The following ARHGAP24 variants were observed in gnomAD, a reference collection of about 807,000 sequenced individuals.
ARHGAP24 encodes the protein Rho GTPase activating protein 24.
In ARHGAP24, 50 loss-of-function variants were observed where a neutral mutation model predicts 76.4. That is an observed-to-expected ratio of 0.65 (90% CI 0.52 to 0.83). The LOEUF (loss-of-function observed/expected upper bound fraction) is 0.83, where lower values mean the gene tolerates loss of function less well. Ranked by LOEUF, ARHGAP24 falls within the 40% of genes least tolerant of loss-of-function variation. The pLI is 0.00. For synonymous variants in ARHGAP24, 345 were observed against 323.3 expected, an observed-to-expected ratio of 1.07 and a Z score of -0.72; for missense variants, 930 against 914.2, an observed-to-expected ratio of 1.02 and a Z score of -0.22.
intron 6 of ARHGAP24, among the ~76,000 whole-genome samples, chr4:85,974,097 C>A (rs1413214026): frequency 6.6e-6 from 1 of 150,572 alleles, no homozygotes; most frequent in Non-Finnish European, 1.5e-5. Flanking sequence ...ACCCCGTGAT[C>A]CACCTACCTC....
At chr4:85,686,805 A>G (rs1231617682) in intron 2 of ARHGAP24, 2 of 137,046 alleles carry the variant, frequency 1.5e-5, no homozygotes, top group African/African-American at 5.0e-5. Flanking sequence ...TTAAAAAATC[A>G]TAAGATCTTT....
At chr4:85,912,942 C>G (rs559973774) in intron 3 of ARHGAP24, among the ~76,000 whole-genome samples, 30 of 151,626 alleles carry the variant, frequency 2.0e-4, no homozygotes, top group Non-Finnish European at 3.8e-4. Flanking sequence ...TATGGATTGT[C>G]GAACCTTATT....
intron 2 of ARHGAP24, among the ~76,000 whole-genome samples, chr4:85,634,966 G>A (rs1721269160): frequency 6.6e-6 from 1 of 151,814 alleles, no homozygotes; most frequent in Non-Finnish European, 1.5e-5. Flanking sequence ...ATCTTTAGAT[G>A]TATACATCTT....
At chr4:85,675,340 A>C (rs77758246) in intron 2 of ARHGAP24, among the ~76,000 whole-genome samples, 3,749 of 152,276 alleles carry the variant, frequency 0.025, 160 homozygotes, top group African/African-American at 0.085. Flanking sequence ...CTAGTCCTCT[A>C]TGAATGTTTT....
chr4:85,875,831 TCCCGG>T (rs1732898248), intron 3 of ARHGAP24, among the ~76,000 whole-genome samples: 1 of 150,504 alleles, frequency 6.6e-6, no homozygotes, highest in Non-Finnish European at 1.5e-5. Context: ...AACCTGTGCA[TCCCGG>T]GTTCAAGCAA....
At chr4:85,847,759 A>G (rs1235186706) in intron 3 of ARHGAP24, among the ~76,000 whole-genome samples, 1 of 152,160 alleles carries the variant, frequency 6.6e-6, no homozygotes, top group Non-Finnish European at 1.5e-5. Context: ...CTGGCCAAAT[A>G]AATGATTATC....
At chr4:85,939,992 T>C (rs1439885439) in intron 4 of ARHGAP24, among the ~76,000 whole-genome samples, 2 of 152,128 alleles carry the variant, frequency 1.3e-5, no homozygotes, top group Non-Finnish European at 2.9e-5. Flanking sequence ...TAAAAGGTTA[T>C]TTACTTAATT....
chr4:85,547,805 A>G (rs1321379207), intron 1 of ARHGAP24, among the ~76,000 whole-genome samples: 1 of 152,176 alleles, frequency 6.6e-6, no homozygotes, highest in Non-Finnish European at 1.5e-5. Flanking sequence ...CACCCTTGCT[A>G]AATAATAATT....
chr4:85,746,031 G>A (rs568178485), intron 3 of ARHGAP24, among the ~76,000 whole-genome samples: 3 of 152,148 alleles, frequency 2.0e-5, no homozygotes, highest in Admixed American at 6.5e-5. Flanking sequence ...AAGTCAAGTC[G>A]GGGTAGGTTT....
At position 85,755,621 on chromosome 4, in the gene ARHGAP24, C is replaced by CTTTTTTT. The variant is rs1333998454; in HGVS notation, c.268+33653_268+33654insTTTTTTT. Among the ~76,000 whole-genome samples the CTTTTTTT allele has an allele frequency of 2.8e-4, 6 of 21,284 alleles. No individual in the cohort carries two copies. In the Non-Finnish European group the frequency reaches 5.0e-3, roughly 18 times the overall value. The allele number at this position is 21,284 out of a possible 152,430, so 14.0% of individuals were successfully genotyped here. A position where few individuals can be genotyped will look rare whatever the true frequency, so the allele number is the denominator to read the frequency against. ...TCTTGTTCTATGGGAAGCTTCTATT[C>CTTTTTTT]TTTTGTTTTGTTTTGTTTTGTTTTG... is the stretch of plus-strand genomic sequence containing the variant. On this transcript the variant is annotated intron_variant, in intron 3 of 9. Coordinates refer to ENST00000395184, the MANE Select transcript of ARHGAP24 (RefSeq NM_001025616.3).
intron 3 of ARHGAP24, among the ~76,000 whole-genome samples, chr4:85,910,661 A>G (rs777064749): frequency 1.3e-5 from 2 of 152,048 alleles, no homozygotes; most frequent in Non-Finnish European, 2.9e-5. Flanking sequence ...AACTCCTGCT[A>G]TTAGCAGAGA....
At chr4:85,611,683 G>A (rs757636908) in intron 2 of ARHGAP24, among the ~76,000 whole-genome samples, 17 of 152,112 alleles carry the variant, frequency 1.1e-4, no homozygotes, top group Non-Finnish European at 2.2e-4. Flanking sequence ...AAATGATTCA[G>A]GTACATAAGC....
intron 2 of ARHGAP24, 32 bp from the exon 3 acceptor site, chr4:85,721,853 G>A: frequency 3.2e-6 from 5 of 1,551,650 alleles, no homozygotes; most frequent in Non-Finnish European, 4.4e-6. Flanking sequence ...GCTCTCTGAT[G>A]ATGTTGATGT....
At chr4:85,950,500 T>TA (rs1678856947) in intron 5 of ARHGAP24, among the ~76,000 whole-genome samples, 1 of 151,846 alleles carries the variant, frequency 6.6e-6, no homozygotes, top group South Asian at 2.1e-4. Context: ...GACCTTTCTC[T>TA]AAAAAATAAA....
chr4:85,736,475 G>C (rs2601859), intron 3 of ARHGAP24, among the ~76,000 whole-genome samples: 143,047 of 152,292 alleles, frequency 0.94, 67,865 homozygotes, highest in East Asian at 1. Context: ...GAGTGCTACA[G>C]TAATTCTGTG....
chr4:85,702,210 G>A (rs968966270), intron 2 of ARHGAP24, among the ~76,000 whole-genome samples: 2 of 152,128 alleles, frequency 1.3e-5, no homozygotes, highest in Admixed American at 1.3e-4. Flanking sequence ...CAAAGGAAGA[G>A]TAGTAACTTG....
At chr4:85,672,796 A>C (rs1722853841) in intron 2 of ARHGAP24, among the ~76,000 whole-genome samples, 1 of 152,142 alleles carries the variant, frequency 6.6e-6, no homozygotes, top group Admixed American at 6.6e-5. Context: ...GGAAATGCTG[A>C]ATTCTTGCAT....
intron 7 of ARHGAP24, among the ~76,000 whole-genome samples, chr4:85,976,664 T>C (rs1170207862): frequency 6.6e-6 from 1 of 152,150 alleles, no homozygotes; most frequent in African/African-American, 2.4e-5. Context: ...GAAAACAATC[T>C]CTCCTATTAT....
chr4:85,856,647 T>TC (rs1731590779), intron 3 of ARHGAP24, among the ~76,000 whole-genome samples: 1 of 151,982 alleles, frequency 6.6e-6, no homozygotes, highest in South Asian at 2.1e-4. Context: ...ATTTTTGTAT[T>TC]TTTAGTAGAG....
Sources: allele counts gnomAD v4.1 joint callset (sites outside exome capture counted in the v4.1 genomes callset), GRCh38; gene constraint gnomAD v4.1.1; transcripts MANE v1.5; gene names NCBI Gene and HGNC (gene_info 2026-07-23, HGNC 2026-07-21).